The following DACH2 variants were observed in gnomAD, a reference collection of about 807,000 sequenced individuals.
DACH2 encodes dachshund homolog 2.
In DACH2, 17 loss-of-function variants were observed where a neutral mutation model predicts 35.8. The observed-to-expected ratio is 0.48, with a 90% confidence interval of 0.33 to 0.71. The LOEUF (loss-of-function observed/expected upper bound fraction) is 0.71, where lower values mean the gene tolerates loss of function less well. DACH2 is among the 30% of genes least tolerant of loss of function. DACH2 has a pLI of 0.02. For synonymous variants in DACH2, 195 were observed against 177.3 expected, an observed-to-expected ratio of 1.10 and a Z score of -0.79; for missense variants, 469 against 472.7, an observed-to-expected ratio of 0.99 and a Z score of 0.07.
chrX:86,711,975 G>A (rs771270171), intron 5 of DACH2, among the ~76,000 whole-genome samples: 3 of 111,706 alleles, frequency 2.7e-5, no homozygotes, highest in Non-Finnish European at 5.6e-5. Context: ...TGGAGAATGA[G>A]GAAAGATTAT....
At chrX:86,330,745 T>C (rs1389396375) in intron 1 of DACH2, among the ~76,000 whole-genome samples, 2 of 111,813 alleles carry the variant, frequency 1.8e-5, no homozygotes, top group Non-Finnish European at 3.8e-5. Context: ...ATTGAAGATA[T>C]GTTTGCATGT....
At position 86,668,655 on chromosome X, in the gene DACH2, A is replaced by G. The variant is rs1461418211; in HGVS notation, c.772+17488A>G. Among the ~76,000 whole-genome samples, 8 of 112,077 alleles carry G rather than the reference A, an allele frequency of 7.1e-5. No homozygotes were observed. In the East Asian group the frequency reaches 2.0e-3, roughly 28 times the overall value. The stretch of plus-strand genomic sequence containing the variant: ...CTGAGACCACTATCCTCCTAAATCT[A>G]TATCATTTTTCATTTTATTGACAAG... On this transcript the variant is annotated intron_variant, in intron 4 of 11. Coordinates refer to ENST00000373125, the MANE Select transcript of DACH2 (RefSeq NM_053281.3).
rs181544232 is a variant in DACH2, at chrX:86,362,918, C to A, written c.489-13906C>A. Reference sequence around the variant, plus strand: ...ATCATAATAATAGCTTTGAGAGGAGCAGTTCATTAGTAGCAAAAATCCTTT... The same window carrying A: ...ATCATAATAATAGCTTTGAGAGGAGAAGTTCATTAGTAGCAAAAATCCTTT... On this transcript the variant is annotated intron_variant, in intron 1 of 11. Transcript: ENST00000373125. Among the ~76,000 whole-genome samples, 98 of 110,631 alleles carry A rather than the reference C, an allele frequency of 8.9e-4. 1 individual carries two copies. Among genetic ancestry groups the A allele is most frequent in the Non-Finnish European group, 6.3e-4 (33 of 52,674 alleles).
At chrX:86,767,180 G>A (rs2041943322) in intron 7 of DACH2, among the ~76,000 whole-genome samples, 1 of 111,354 alleles carries the variant, frequency 9.0e-6, no homozygotes, top group Non-Finnish European at 1.9e-5. Context: ...TGCTATTATG[G>A]GGAAATCAAT....
intron 3 of DACH2, among the ~76,000 whole-genome samples, chrX:86,551,771 T>C (rs2039052696): frequency 8.9e-6 from 1 of 111,824 alleles, no homozygotes. Flanking sequence ...CTGCTTATCA[T>C]TTCTCAATCT....
At chrX:86,416,190 A>G (rs1438459728) in intron 2 of DACH2, among the ~76,000 whole-genome samples, 2 of 112,320 alleles carry the variant, frequency 1.8e-5, no homozygotes, top group African/African-American at 3.2e-5. Flanking sequence ...AAAGCCATAG[A>G]GTGATGAACA....
At chrX:86,415,362 T>C (rs1404726889) in intron 2 of DACH2, among the ~76,000 whole-genome samples, 1 of 111,887 alleles carries the variant, frequency 8.9e-6, no homozygotes, top group Admixed American at 9.5e-5. Context: ...AGTATAGCTC[T>C]ATTGAAAGCA....
chrX:86,167,256 G>A (rs2030974209), intron 1 of DACH2, among the ~76,000 whole-genome samples: 1 of 111,155 alleles, frequency 9.0e-6, no homozygotes, highest in Non-Finnish European at 1.9e-5. Context: ...GAACTGTTCA[G>A]GTTTTGGATT....
chrX:86,576,371 TC>T (rs1353785471), intron 3 of DACH2, among the ~76,000 whole-genome samples: 2 of 112,092 alleles, frequency 1.8e-5, no homozygotes, highest in Admixed American at 1.9e-4. Context: ...TATAAGGGCA[TC>T]CTTTTTAAAA....
chrX:86,455,226 A>C (rs1455300519), intron 2 of DACH2, among the ~76,000 whole-genome samples: 1 of 110,833 alleles, frequency 9.0e-6, no homozygotes, highest in Non-Finnish European at 1.9e-5. Context: ...CTGGAGACCC[A>C]TTTTTGGAGG....
chrX:86,285,014 T>C (rs1190464608), intron 1 of DACH2, among the ~76,000 whole-genome samples: 2 of 111,897 alleles, frequency 1.8e-5, no homozygotes, highest in Non-Finnish European at 3.8e-5. Flanking sequence ...TACTTATATG[T>C]ATTTATTTGG....
At chrX:86,460,277 T>C (rs957068449) in intron 2 of DACH2, among the ~76,000 whole-genome samples, 1 of 111,117 alleles carries the variant, frequency 9.0e-6, no homozygotes, top group African/African-American at 3.2e-5. Flanking sequence ...AGAATCCTCT[T>C]TTATCTATAT....
intron 3 of DACH2, among the ~76,000 whole-genome samples, chrX:86,640,193 C>G (rs1424168977): frequency 9.0e-6 from 1 of 111,203 alleles, no homozygotes; most frequent in Non-Finnish European, 1.9e-5. Flanking sequence ...CAGCCACCCC[C>G]CGCCAGAGCT....
chrX:86,314,894 C>G (rs1447787666), intron 1 of DACH2, among the ~76,000 whole-genome samples: 1 of 112,282 alleles, frequency 8.9e-6, no homozygotes, highest in Non-Finnish European at 1.9e-5. Flanking sequence ...AGGAAAGAAG[C>G]TGTCTCCACA....
At chrX:86,798,039 A>C (rs1162754925) in intron 7 of DACH2, among the ~76,000 whole-genome samples, 1 of 112,600 alleles carries the variant, frequency 8.9e-6, no homozygotes, top group African/African-American at 3.2e-5. Flanking sequence ...AAACATCTAA[A>C]GTTAACAAAC....
intron 3 of DACH2, among the ~76,000 whole-genome samples, chrX:86,581,716 A>C (rs1425786562): frequency 8.9e-6 from 1 of 111,864 alleles, no homozygotes; most frequent in African/African-American, 3.2e-5. Flanking sequence ...ACCCAACACA[A>C]GAGCACTCAG....
At chrX:86,396,820 T>C (rs1459142264) in intron 2 of DACH2, among the ~76,000 whole-genome samples, 2 of 110,683 alleles carry the variant, frequency 1.8e-5, no homozygotes, top group African/African-American at 6.6e-5. Context: ...AGTCAGGTAG[T>C]GTGATGCCTC....
intron 1 of DACH2, among the ~76,000 whole-genome samples, chrX:86,196,149 C>A (rs184878080): frequency 3.2e-4 from 36 of 111,160 alleles, no homozygotes; most frequent in Non-Finnish European, 1.5e-4. Context: ...CATTGAGATG[C>A]AAGAGTACAT....
chrX:86,196,937 C>A (rs1335833868), intron 1 of DACH2, among the ~76,000 whole-genome samples: 2 of 109,539 alleles, frequency 1.8e-5, no homozygotes, highest in East Asian at 5.8e-4. Flanking sequence ...CAAAAGAAGA[C>A]CATCCCGAAG....
Sources: allele counts gnomAD v4.1 joint callset (sites outside exome capture counted in the v4.1 genomes callset), GRCh38; gene constraint gnomAD v4.1.1; transcripts MANE v1.5; gene names NCBI Gene and HGNC (gene_info 2026-07-23, HGNC 2026-07-21).